Variants in PICALM observed in about 807,000 individuals in gnomAD.
PICALM encodes the protein phosphatidylinositol binding clathrin assembly protein.
PICALM carries 40 observed loss-of-function variants against 80.5 expected under a neutral mutation model. The observed-to-expected ratio is 0.50, with a 90% confidence interval of 0.39 to 0.65. The LOEUF is 0.65. Ranked by LOEUF, PICALM falls within the 30% of genes least tolerant of loss-of-function variation. The pLI is 0.00. For missense variants in PICALM, 676 were observed against 778.9 expected, an observed-to-expected ratio of 0.87 and a Z score of 1.57; for synonymous variants, 288 against 260.3, an observed-to-expected ratio of 1.11 and a Z score of -1.02.
At chr11:86,032,574 G>A (rs901109111) in intron 1 of PICALM, among the ~76,000 whole-genome samples, 8 of 152,100 alleles carry the variant, frequency 5.3e-5, no homozygotes, top group Admixed American at 1.3e-4. Context: ...TGCAGTGAGC[G>A]GAGATAGTAC....
intron 17 of PICALM, among the ~76,000 whole-genome samples, chr11:85,978,929 C>G (rs1476539379): frequency 6.6e-6 from 1 of 152,048 alleles, no homozygotes; most frequent in Admixed American, 6.6e-5. Context: ...ATAATTCACA[C>G]GAGTCCATAA....
intron 11 of PICALM, among the ~76,000 whole-genome samples, 156 bp downstream of exon 11, chr11:86,000,487 T>C (rs1448618760): frequency 1.3e-5 from 2 of 152,242 alleles, no homozygotes; most frequent in Non-Finnish European, 2.9e-5. Context: ...TCACTTTATC[T>C]TTAGGTATTA....
chr11:85,996,954 TTTTA>T, intron 11 of PICALM, 25 bp from the exon 12 acceptor site: 1 of 1,522,518 alleles, frequency 6.6e-7, no homozygotes, highest in South Asian at 1.1e-5. Flanking sequence ...TGGAAACGTG[TTTTA>T]TTTACCAGAA....
chr11:85,972,771 A>G (rs986693309), intron 19 of PICALM, among the ~76,000 whole-genome samples: 2 of 152,244 alleles, frequency 1.3e-5, no homozygotes, highest in African/African-American at 4.8e-5. Context: ...AATAATTTTT[A>G]AAGTAAATGA....
chr11:85,999,908 G>A (rs1454623567), intron 11 of PICALM, among the ~76,000 whole-genome samples: 2 of 152,152 alleles, frequency 1.3e-5, no homozygotes, highest in African/African-American at 4.8e-5. Context: ...TCTAGGATTG[G>A]GACTCAGATA....
intron 1 of PICALM, among the ~76,000 whole-genome samples, chr11:86,058,133 T>C (rs953175887): frequency 6.6e-6 from 1 of 151,570 alleles, no homozygotes; most frequent in Non-Finnish European, 1.5e-5. Context: ...ATACTTAAAT[T>C]ACATTAAAAT....
intron 19 of PICALM, among the ~76,000 whole-genome samples, chr11:85,963,515 A>G (rs1022697842): frequency 6.6e-6 from 1 of 152,258 alleles, no homozygotes; most frequent in African/African-American, 2.4e-5. Context: ...TGTCTTCAAC[A>G]AAGTGGTCAA....
chr11:86,023,520 C>T (rs1247356885), intron 3 of PICALM: 2 of 984,648 alleles, frequency 2.0e-6, no homozygotes, highest in African/African-American at 1.7e-5. Flanking sequence ...CACCTCTCAT[C>T]CTTCAAGGCT....
intron 4 of PICALM, among the ~76,000 whole-genome samples, chr11:86,021,337 A>G (rs534599526): frequency 6.6e-6 from 1 of 152,144 alleles, no homozygotes; most frequent in African/African-American, 2.4e-5. Flanking sequence ...AAAATAAAAA[A>G]TAAAAACAGG....
intron 1 of PICALM, among the ~76,000 whole-genome samples, chr11:86,056,039 GGTGGGAGGATCAC>G (rs1265346168): frequency 1.3e-5 from 2 of 149,836 alleles, no homozygotes; most frequent in African/African-American, 2.5e-5. Context: ...GGGAGGCTAA[GGTGGGAGGATCAC>G]TTGAACCTGG....
chr11:86,068,783 C>A lies in PICALM; in HGVS notation c.-3G>T. ...TCCGTCAGGCTCTGGCCGGACATCT[C>A]TGCAGCTCCTCCACCACCCCACCCG... On this transcript the variant is annotated 5_prime_UTR_variant, in exon 1 of 20. Transcript: ENST00000393346. 1 of 1,603,952 alleles carries A rather than the reference C, an allele frequency of 6.2e-7. No individual in the cohort carries two copies. Among genetic ancestry groups the A allele is most frequent in the Non-Finnish European group, 8.5e-7 (1 of 1,177,612 alleles).
At chr11:86,060,183 C>T (rs1470446086) in intron 1 of PICALM, among the ~76,000 whole-genome samples, 1 of 152,108 alleles carries the variant, frequency 6.6e-6, no homozygotes, top group Non-Finnish European at 1.5e-5. Flanking sequence ...TCTTTTGTCC[C>T]TTCTAATACA....
intron 1 of PICALM, among the ~76,000 whole-genome samples, chr11:86,067,254 C>T (rs757532218): frequency 6.6e-6 from 1 of 152,192 alleles, no homozygotes; most frequent in Non-Finnish European, 1.5e-5. Flanking sequence ...AATTATCTTT[C>T]AGGGCATGCT....
At chr11:86,028,414 A>G (rs1351677601) in intron 2 of PICALM, among the ~76,000 whole-genome samples, 2 of 152,242 alleles carry the variant, frequency 1.3e-5, no homozygotes, top group Non-Finnish European at 2.9e-5. Flanking sequence ...CAAAATATTT[A>G]AAGAACATAT....
intron 1 of PICALM, among the ~76,000 whole-genome samples, chr11:86,041,966 C>A (rs930390520): frequency 1.3e-5 from 2 of 149,620 alleles, no homozygotes; most frequent in African/African-American, 5.1e-5. Flanking sequence ...CCTCCCCCCT[C>A]CTCTGATTAT....
At chr11:86,056,701 C>G (rs1333925003) in intron 1 of PICALM, among the ~76,000 whole-genome samples, 1 of 152,128 alleles carries the variant, frequency 6.6e-6, no homozygotes, top group Non-Finnish European at 1.5e-5. Flanking sequence ...AAAATATGTT[C>G]ACACGAAAAC....
Position 85,985,399 on chromosome 11 carries a change from A to G in PICALM, c.1409-1426T>C, listed in dbSNP as rs554157727. On this transcript the variant is annotated intron_variant, in intron 13 of 19. Coordinates refer to ENST00000393346, the MANE Select transcript of PICALM (RefSeq NM_007166.4). The stretch of plus-strand genomic sequence containing the variant: ...AAAGTAGCATTTTACACATCCTATA[A>G]TGACTATTCTGTAGCGCACACATTT... Among the ~76,000 whole-genome samples, 6 of 152,244 alleles carry G rather than the reference A, an allele frequency of 3.9e-5. No individual in the cohort carries two copies. In the East Asian group the frequency reaches 1.2e-3, roughly 29 times the overall value.
chr11:85,965,951 G>A (rs111634670), intron 19 of PICALM, among the ~76,000 whole-genome samples: 14,832 of 150,576 alleles, frequency 0.099, 876 homozygotes, highest in Admixed American at 0.14. Flanking sequence ...TGAGTTGCTG[G>A]GACTACAGGT....
intron 1 of PICALM, among the ~76,000 whole-genome samples, chr11:86,035,737 G>A (rs2095829767): frequency 6.6e-6 from 1 of 151,256 alleles, no homozygotes; most frequent in African/African-American, 2.4e-5. Context: ...GAGGTCAGGA[G>A]TTCGAGACCA....
Sources: gnomAD v4.1 joint callset for allele counts (sites outside exome capture counted in the v4.1 genomes callset) on GRCh38, gnomAD v4.1.1 for gene constraint, MANE v1.5 for transcripts, NCBI Gene and HGNC (gene_info 2026-07-23, HGNC 2026-07-21) for gene names.